The following CLPB variants were observed in gnomAD, a reference collection of about 807,000 sequenced individuals.
The protein encoded by CLPB is ClpB family mitochondrial disaggregase.
In CLPB, 40 loss-of-function variants were observed where a neutral mutation model predicts 78.4. The ratio of observed to expected loss-of-function variants is 0.51; its 90% CI spans 0.40 to 0.66. CLPB has a LOEUF of 0.66. Ranked by LOEUF, CLPB falls within the 30% of genes least tolerant of loss-of-function variation. The pLI is 0.00. For missense variants in CLPB, 780 were observed against 886.9 expected (o/e 0.88, Z 1.53); for synonymous variants, 333 against 348.0 (o/e 0.96, Z 0.48).
At chr11:72,382,434 G>A (rs1854944416) in intron 3 of CLPB, among the ~76,000 whole-genome samples, 1 of 152,212 alleles carries the variant, frequency 6.6e-6, no homozygotes, top group African/African-American at 2.4e-5. Context: ...TGCAGATTCA[G>A]GCTCAAGGCC....
intron 6 of CLPB, among the ~76,000 whole-genome samples, chr11:72,320,287 T>C (rs1950022465): frequency 6.6e-6 from 1 of 152,232 alleles, no homozygotes; most frequent in Admixed American, 6.5e-5. Context: ...CTGAGTCTTC[T>C]CTGGGGAAAC....
chr11:72,370,421 C>T (rs2135649257), intron 4 of CLPB, among the ~76,000 whole-genome samples: 1 of 152,278 alleles, frequency 6.6e-6, no homozygotes, highest in Admixed American at 6.5e-5. Context: ...ATCCTGGTAA[C>T]TCTATGGTGG....
chr11:72,332,709 T>A (rs1950250153), intron 5 of CLPB: 2 of 152,242 alleles, frequency 1.3e-5, no homozygotes, highest in African/African-American at 2.4e-5. Flanking sequence ...ATACTTCCTA[T>A]GAATGGAGTT....
At chr11:72,318,964 T>C (rs986137802) in intron 6 of CLPB, among the ~76,000 whole-genome samples, 1 of 152,140 alleles carries the variant, frequency 6.6e-6, no homozygotes, top group Admixed American at 6.5e-5. Context: ...GTGAGATGCA[T>C]ACATACTGGC....
intron 2 of CLPB, among the ~76,000 whole-genome samples, chr11:72,408,896 G>A (rs543079876): frequency 6.6e-6 from 1 of 152,324 alleles, no homozygotes; most frequent in Admixed American, 6.5e-5. Flanking sequence ...CGGGCTGCCC[G>A]CTGAGAGAGG....
chr11:72,313,118 T>C (rs927691111), intron 7 of CLPB, among the ~76,000 whole-genome samples: 2 of 152,156 alleles, frequency 1.3e-5, no homozygotes, highest in Admixed American at 1.3e-4. Flanking sequence ...GGATATAGTG[T>C]GGGAGGTTTT....
At chr11:72,317,247 A>G (rs752882511) in intron 6 of CLPB, 27 bp from the exon 7 acceptor site, 1 of 1,557,470 alleles carries the variant, frequency 6.4e-7, no homozygotes, top group Non-Finnish European at 8.8e-7. Flanking sequence ...CAAATGGTTG[A>G]GGGCTGCCGG....
At position 72,329,728 on chromosome 11, in the gene CLPB, A is replaced by G; in HGVS notation, c.852T>C (p.Leu284=). 6.2e-7 allele frequency: 1 copy of G among 1,613,942 alleles called. No homozygotes were observed. Among genetic ancestry groups the G allele is most frequent in the South Asian group, 1.1e-5 (1 of 91,062 alleles). The change falls in exon 6 of 16, where the codon CTT becomes CTC. Residue 284 remains leucine (L), a synonymous_variant. Coordinates refer to ENST00000538039, the MANE Select transcript of CLPB (RefSeq NM_001258392.3). ...TTACCTTGGCTTCAGAAGTCCTCAG[A>G]AGCTTCATCACTTCCCCTTCTCGGG... ...DYAREGEVMK[L]LRTSEAKYQE... is the part of the protein sequence containing the mutation.
At position 72,294,384 on chromosome 11, in the gene CLPB, A is replaced by G. The variant is rs772407202; in HGVS notation, c.1621T>C (p.Phe541Leu). Residue 541 changes from phenylalanine to leucine, a missense_variant, in exon 14 of 16, where the codon TTC becomes CTC. Around this residue, in one of 3 missense-constraint regions of CLPB, gnomAD observed 272 missense variants for 304.0 expected, o/e 0.89. Coordinates refer to ENST00000538039, the MANE Select transcript of CLPB (RefSeq NM_001258392.3). ...AGTTGGATGAGCTCCGAGTGGCAGA[A>G]GGGGAGGAAGTAGACGATCTCATTG... The part of the protein sequence containing the change: ...RINEIVYFLP[F>L]CHSELIQLVN... 6.2e-7 allele frequency: 1 copy of G among 1,614,230 alleles called. No individual in the cohort carries two copies. Among genetic ancestry groups the G allele is most frequent in the Non-Finnish European group, 8.5e-7 (1 of 1,180,040 alleles).
At chr11:72,316,906 CAG>C (rs1399531486) in intron 7 of CLPB, among the ~76,000 whole-genome samples, 198 bp downstream of exon 7, 6 of 152,224 alleles carry the variant, frequency 3.9e-5, no homozygotes, top group Admixed American at 3.9e-4. Flanking sequence ...TGGGATTTAG[CAG>C]TACCAACCTC....
At chr11:72,371,532 CAAAAA>C (rs1951041451) in intron 4 of CLPB, among the ~76,000 whole-genome samples, 6 of 117,588 alleles carry the variant, frequency 5.1e-5, no homozygotes, top group Admixed American at 2.0e-4. Context: ...GACTCTGTCT[CAAAAA>C]TAAAATAAAA....
chr11:72,386,519 A>G (rs1040345976), intron 3 of CLPB, among the ~76,000 whole-genome samples: 3 of 152,160 alleles, frequency 2.0e-5, no homozygotes, highest in Admixed American at 6.5e-5. Flanking sequence ...TTTGAATTTC[A>G]TTACCTTCAA....
In CLPB at chr11:72,301,902, G is replaced by A. The variant is rs150087251; in HGVS notation, c.1230C>T (p.Thr410=). The change falls in exon 11 of 16, where the codon ACC becomes ACT. Residue 410 remains threonine, a synonymous_variant. Coordinates refer to ENST00000538039, the MANE Select transcript of CLPB (RefSeq NM_001258392.3). ...CATTGGGGCACTGCTTCAACTTCTT[G>A]GTCAGCTGGCCACCCTCCTCATGGC... ...YVGHEEGGQL[T]KKLKQCPNAV... 3.3e-5 allele frequency: 54 copies of A among 1,614,014 alleles called. No homozygotes were observed. The highest frequency in any genetic ancestry group is 4.5e-5 in the East Asian group (2 of 44,896).
intron 10 of CLPB, 164 bp from the exon 11 acceptor site, chr11:72,302,128 TTA>T: frequency 2.0e-6 from 2 of 986,760 alleles, no homozygotes; most frequent in Non-Finnish European, 3.0e-6. Context: ...TTCTCTATGT[TTA>T]TTCTTCAGAG....
chr11:72,316,960 G>C (rs1949953884), intron 7 of CLPB, 146 bp downstream of exon 7: 1 of 518,548 alleles, frequency 1.9e-6, no homozygotes, highest in East Asian at 3.4e-5. Flanking sequence ...GACATGCAGA[G>C]AGCTTATAAC....
intron 11 of CLPB, among the ~76,000 whole-genome samples, chr11:72,299,673 C>T (rs1251255574): frequency 6.6e-6 from 1 of 152,234 alleles, no homozygotes; most frequent in Non-Finnish European, 1.5e-5. Flanking sequence ...AACATTTCCC[C>T]TGACTTTGTG....
chr11:72,316,372 C>A (rs1479513454), intron 7 of CLPB, among the ~76,000 whole-genome samples: 1 of 152,198 alleles, frequency 6.6e-6, no homozygotes, highest in Non-Finnish European at 1.5e-5. Context: ...TTGGCCTGGC[C>A]TGGGGTTCCT....
chr11:72,363,865 G>A (rs1340109113), intron 4 of CLPB, among the ~76,000 whole-genome samples: 1 of 152,178 alleles, frequency 6.6e-6, no homozygotes. Context: ...CTGAAGCTCA[G>A]GGACTAAGCT....
At chr11:72,394,634 G>A (rs1036845939) in intron 3 of CLPB, among the ~76,000 whole-genome samples, 4 of 152,210 alleles carry the variant, frequency 2.6e-5, no homozygotes, top group Admixed American at 6.5e-5. Flanking sequence ...AACTACGAGT[G>A]CATGCTGGAA....
Sources: gnomAD v4.1 joint callset for allele counts (sites outside exome capture counted in the v4.1 genomes callset) on GRCh38, gnomAD v4.1.1 for gene constraint, gnomAD v4.1.1 regional missense constraint, MANE v1.5 for transcripts, NCBI Gene and HGNC (gene_info 2026-07-23, HGNC 2026-07-21) for gene names.